Variants in ATRNL1 observed in about 807,000 individuals in gnomAD.
ATRNL1 encodes the protein attractin-like protein 1.
In ATRNL1, 95 loss-of-function variants were observed where a neutral mutation model predicts 182.7. That is an observed-to-expected ratio of 0.52 (90% confidence interval 0.44 to 0.62). ATRNL1 has a LOEUF of 0.62. ATRNL1 is among the 20% of genes least tolerant of loss of function. The pLI is 0.00. For synonymous variants in ATRNL1, 576 were observed against 568.3 expected (o/e 1.01, Z -0.19); for missense variants, 1,471 against 1,679.5 (o/e 0.88, Z 2.17).
intron 25 of ATRNL1, among the ~76,000 whole-genome samples, chr10:115,533,884 G>T (rs1172635329): frequency 6.6e-6 from 1 of 150,566 alleles, no homozygotes; most frequent in Non-Finnish European, 1.5e-5. Flanking sequence ...TCAGGAGCAG[G>T]TTGTTCAGTT....
rs74158207 is a variant in ATRNL1, at chr10:115,655,617, T to C, written c.3796-71631T>C. ...TACCTTTTGGGCAAGCCCAGTCCTCTGAGGTGGCAGCAAGAACAACAAGCC... is the reference window on the plus strand; with the variant it reads ...TACCTTTTGGGCAAGCCCAGTCCTCCGAGGTGGCAGCAAGAACAACAAGCC... On this transcript the variant is annotated intron_variant, in intron 26 of 28. Coordinates refer to ENST00000355044, the MANE Select transcript of ATRNL1 (RefSeq NM_207303.4). Among the ~76,000 whole-genome samples, 1,505 of 152,318 alleles carry C rather than the reference T, an allele frequency of 9.9e-3. 18 individuals are homozygous for C. Among genetic ancestry groups the C allele is most frequent in the African/African-American group, 0.034 (1,424 of 41,566 alleles).
At chr10:115,590,811 G>A (rs758111702) in intron 26 of ATRNL1, among the ~76,000 whole-genome samples, 21 of 152,144 alleles carry the variant, frequency 1.4e-4, no homozygotes, top group Non-Finnish European at 1.9e-4. Context: ...GACACATATA[G>A]TAGTCCCTGA....
intron 14 of ATRNL1, among the ~76,000 whole-genome samples, chr10:115,282,964 C>T (rs2133929821): frequency 6.6e-6 from 1 of 152,168 alleles, no homozygotes; most frequent in East Asian, 1.9e-4. Context: ...AATGCTATCC[C>T]TCCCCTAGCC....
intron 13 of ATRNL1, among the ~76,000 whole-genome samples, chr10:115,272,779 T>C (rs1278669897): frequency 6.6e-6 from 1 of 152,174 alleles, no homozygotes; most frequent in Non-Finnish European, 1.5e-5. Flanking sequence ...CCCATTCCAC[T>C]GTTTTATGAA....
intron 10 of ATRNL1, among the ~76,000 whole-genome samples, chr10:115,259,481 G>A (rs1332306323): frequency 6.6e-6 from 1 of 152,194 alleles, no homozygotes. Flanking sequence ...GAAAAGCGCA[G>A]TATTTGGGTG....
chr10:115,237,520 A>T (rs1288842152), intron 9 of ATRNL1, among the ~76,000 whole-genome samples: 152,392 of 152,392 alleles, frequency 1, 76,196 homozygotes, highest in Non-Finnish European at 1. Flanking sequence ...ACTAGACATA[A>T]ATATGTCTTC....
chr10:115,681,522 G>A (rs1946045897), intron 26 of ATRNL1, among the ~76,000 whole-genome samples: 1 of 152,106 alleles, frequency 6.6e-6, no homozygotes, highest in South Asian at 2.1e-4. Flanking sequence ...TCTGACTCCA[G>A]AAGACCACAT....
At chr10:115,868,742 A>AAG (rs1951497737) in intron 28 of ATRNL1, among the ~76,000 whole-genome samples, 1 of 152,026 alleles carries the variant, frequency 6.6e-6, no homozygotes. Flanking sequence ...TGTGGCTCAA[A>AAG]AGAGGTTTCG....
intron 26 of ATRNL1, among the ~76,000 whole-genome samples, chr10:115,618,444 T>G (rs1555021537): frequency 6.6e-6 from 1 of 152,132 alleles, no homozygotes; most frequent in African/African-American, 2.4e-5. Context: ...TTCCTGGAAC[T>G]CACTTAATGC....
chr10:115,265,311 C>T lies in ATRNL1; in HGVS notation c.1772+34C>T, dbSNP rs781869440. 48 of 1,319,384 alleles carry T rather than the reference C, an allele frequency of 3.6e-5. No individual in the cohort carries two copies. The South Asian group carries it at 5.5e-4, about 15-fold the overall frequency. The allele number at this position is 1,319,384 out of a possible 1,614,324, so 81.7% of individuals were successfully genotyped here. On this transcript the variant is annotated intron_variant, in intron 11 of 28. Coordinates refer to ENST00000355044, the MANE Select transcript of ATRNL1 (RefSeq NM_207303.4). ...AGCACATTTCCAATTTTTAGAGGGT[C>T]ACTTATATCAGTCATACTATCCTCA... is the stretch of plus-strand genomic sequence containing the variant.
At chr10:115,587,766 G>T (rs963761336) in intron 26 of ATRNL1, among the ~76,000 whole-genome samples, 1 of 152,112 alleles carries the variant, frequency 6.6e-6, no homozygotes, top group African/African-American at 2.4e-5. Context: ...TTCCTATTCG[G>T]CCATCTTGGC....
intron 28 of ATRNL1, among the ~76,000 whole-genome samples, chr10:115,937,924 G>C (rs1953611566): frequency 6.6e-6 from 1 of 152,138 alleles, no homozygotes; most frequent in Non-Finnish European, 1.5e-5. Flanking sequence ...CTACAGACCT[G>C]GCACCGTTCC....
intron 26 of ATRNL1, among the ~76,000 whole-genome samples, chr10:115,715,901 T>C (rs1244920667): frequency 3.9e-5 from 6 of 152,182 alleles, no homozygotes; most frequent in Middle Eastern, 3.2e-3. Context: ...TAACCTCCAG[T>C]ATTCCTTCCA....
intron 26 of ATRNL1, among the ~76,000 whole-genome samples, chr10:115,684,575 C>T (rs1946159494): frequency 1.3e-5 from 2 of 150,906 alleles, no homozygotes; most frequent in South Asian, 4.2e-4. Context: ...TAATTATTGT[C>T]CATAATATAG....
At chr10:115,633,983 G>C (rs1165775609) in intron 26 of ATRNL1, among the ~76,000 whole-genome samples, 2 of 152,000 alleles carry the variant, frequency 1.3e-5, no homozygotes, top group African/African-American at 2.4e-5. Context: ...TGGATTGCCA[G>C]TACTATCACA....
chr10:115,525,332 G>A (rs1343904040), intron 25 of ATRNL1, among the ~76,000 whole-genome samples: 4 of 152,152 alleles, frequency 2.6e-5, no homozygotes, highest in Non-Finnish European at 4.4e-5. Flanking sequence ...TCTAATTATG[G>A]TAATTGTGGT....
intron 26 of ATRNL1, among the ~76,000 whole-genome samples, chr10:115,550,995 T>A (rs1294281882): frequency 6.6e-6 from 1 of 151,736 alleles, no homozygotes; most frequent in Non-Finnish European, 1.5e-5. Flanking sequence ...AAAATATCAA[T>A]TTGTAAGTAA....
intron 28 of ATRNL1, among the ~76,000 whole-genome samples, chr10:115,944,126 T>C (rs1049597993): frequency 6.6e-6 from 1 of 151,798 alleles, no homozygotes; most frequent in Admixed American, 6.6e-5. Context: ...GCATTATGCA[T>C]TTGTCAAAAC....
At chr10:115,504,032 T>G (rs1849982931) in intron 24 of ATRNL1, among the ~76,000 whole-genome samples, 1 of 152,014 alleles carries the variant, frequency 6.6e-6, no homozygotes, top group Non-Finnish European at 1.5e-5. Context: ...AAAGAATGTT[T>G]TTATACAAAT....
Sources: allele counts gnomAD v4.1 joint callset (sites outside exome capture counted in the v4.1 genomes callset), GRCh38; gene constraint gnomAD v4.1.1; transcripts MANE v1.5; gene names NCBI Gene and HGNC (gene_info 2026-07-23, HGNC 2026-07-21).